DOCK10: variants seen among roughly 807,000 people sequenced by gnomAD.
DOCK10 encodes the protein dedicator of cytokinesis protein 10.
In DOCK10, 145 loss-of-function variants were observed where a neutral mutation model predicts 280.1. The ratio of observed to expected loss-of-function variants is 0.52; its 90% CI spans 0.45 to 0.59. The LOEUF (loss-of-function observed/expected upper bound fraction) is 0.59. Among genes scored for constraint, DOCK10 ranks in the 20% least tolerant of loss-of-function variants. The pLI, the probability that DOCK10 is intolerant of heterozygous loss-of-function variation, is 0.00. For missense variants in DOCK10, 2,368 were observed against 2,651.7 expected, an observed-to-expected ratio of 0.89 and a Z score of 2.35; for synonymous variants, 915 against 942.2, an observed-to-expected ratio of 0.97 and a Z score of 0.53.
At chr2:224,907,182 G>A (rs1003267499) in intron 3 of DOCK10, among the ~76,000 whole-genome samples, 5 of 152,164 alleles carry the variant, frequency 3.3e-5, no homozygotes, top group South Asian at 2.1e-4. Flanking sequence ...GGAATGAAGG[G>A]AGAAATTTAA....
intron 27 of DOCK10, among the ~76,000 whole-genome samples, chr2:224,824,848 C>T (rs1167310767): frequency 6.6e-6 from 1 of 152,034 alleles, no homozygotes; most frequent in Admixed American, 6.6e-5. Flanking sequence ...CTGTGTATTT[C>T]TAAATTGTGA....
intron 1 of DOCK10, among the ~76,000 whole-genome samples, chr2:225,029,120 C>T (rs754362184): frequency 1.3e-5 from 2 of 152,174 alleles, no homozygotes; most frequent in African/African-American, 2.4e-5. Context: ...TGACCCTGAC[C>T]ACATCCATTT....
At chr2:224,902,380 C>G (rs1162088141) in intron 3 of DOCK10, among the ~76,000 whole-genome samples, 1 of 152,126 alleles carries the variant, frequency 6.6e-6, no homozygotes. Flanking sequence ...CATTTTGGCC[C>G]TTAGTCACCA....
At chr2:225,030,524 T>A (rs111372575) in intron 1 of DOCK10, among the ~76,000 whole-genome samples, 397 of 152,292 alleles carry the variant, frequency 2.6e-3, no homozygotes, top group African/African-American at 9.0e-3. Context: ...GCTAACAGCA[T>A]CAGTGAGAAT....
intron 1 of DOCK10, among the ~76,000 whole-genome samples, chr2:225,025,230 G>T (rs1430091925): frequency 6.6e-6 from 1 of 152,176 alleles, no homozygotes; most frequent in Non-Finnish European, 1.5e-5. Context: ...AGTCCTGTAG[G>T]CAGGAGAAAG....
At position 224,804,012 on chromosome 2, in the gene DOCK10, G is replaced by A. The variant is rs1693200668; in HGVS notation, c.4268+100C>T. 4.8e-6 allele frequency: 3 copies of A among 623,084 alleles called. No individual in the cohort carries two copies. The South Asian group carries it at 6.1e-5, about 13-fold the overall frequency. The allele number at this position is 623,084 out of a possible 1,614,324, so 38.6% of individuals were successfully genotyped here. On this transcript the variant is annotated intron_variant, in intron 39 of 55. Transcript: ENST00000258390. ...TATAAATAGAAATATGTGTGTGTGT[G>A]TGTGTGTGTGTGTGTGTGTGTCTAC... is the stretch of plus-strand genomic sequence containing the variant.
chr2:224,923,873 C>T (rs1229299556), intron 2 of DOCK10, among the ~76,000 whole-genome samples: 1 of 152,232 alleles, frequency 6.6e-6, no homozygotes, highest in African/African-American at 2.4e-5. Flanking sequence ...CTCTGTAGCA[C>T]ACATGAAGTC....
rs567717975 is a variant in DOCK10 at position 225,016,795 on chromosome 2, C to T, written c.123+25457G>A. Among the ~76,000 whole-genome samples, 5 of 151,626 alleles carry T rather than the reference C, an allele frequency of 3.3e-5. No homozygotes were observed. The East Asian group carries it at 5.9e-4, about 18-fold the overall frequency. On this transcript the variant is annotated intron_variant, in intron 1 of 55. Transcript: ENST00000258390. ...TCGGCTCACTGCAACCTCCGCCTCC[C>T]GTGTTCAAGCGATTCTCTTGCCTTG...
intron 1 of DOCK10, among the ~76,000 whole-genome samples, chr2:225,009,926 A>C (rs999731322): frequency 2.0e-5 from 3 of 152,156 alleles, no homozygotes; most frequent in African/African-American, 7.2e-5. Flanking sequence ...TAAGAGTTGT[A>C]CTGGTTAACC....
intron 39 of DOCK10, among the ~76,000 whole-genome samples, chr2:224,802,282 T>C (rs1184100179): frequency 2.0e-5 from 3 of 152,262 alleles, no homozygotes; most frequent in South Asian, 2.1e-4. Flanking sequence ...TAACAGGTCA[T>C]TGAGTGAAAT....
At chr2:224,845,495 C>A in intron 20 of DOCK10, 24 bp downstream of exon 20, 1 of 1,601,686 alleles carries the variant, frequency 6.2e-7, no homozygotes, top group South Asian at 1.1e-5. Flanking sequence ...TGTGACTCTG[C>A]CTCAGATTTC....
intron 1 of DOCK10, among the ~76,000 whole-genome samples, chr2:224,932,415 TG>T (rs1702439709): frequency 6.6e-6 from 1 of 152,160 alleles, no homozygotes; most frequent in Non-Finnish European, 1.5e-5. Context: ...ATTATAGGGT[TG>T]ATGTGTTTGT....
intron 39 of DOCK10, 35 bp downstream of exon 39, chr2:224,804,077 A>C: frequency 1.5e-6 from 2 of 1,316,490 alleles, no homozygotes; most frequent in South Asian, 2.4e-5. Flanking sequence ...ACACAGCTAT[A>C]TATAATTTTA....
chr2:224,849,690 GGGACAAT>G, intron 18 of DOCK10, 91 bp from the exon 19 acceptor site: 1 of 839,230 alleles, frequency 1.2e-6, no homozygotes, highest in South Asian at 1.6e-5. Context: ...TACCAACCCT[GGGACAAT>G]GGCAAACTTT....
In DOCK10 at chr2:224,874,762, T is replaced by C. The variant is rs915968460; in HGVS notation, c.932-11A>G. The C allele has an allele frequency of 1.2e-6, 2 of 1,610,124 alleles. No homozygotes were observed. The highest frequency in any genetic ancestry group is 1.7e-6 in the Non-Finnish European group (2 of 1,176,590). On this transcript the variant is annotated splice_polypyrimidine_tract_variant and intron_variant, in intron 8 of 55. Transcript: ENST00000258390. ...AATTATCCAGCGAATCTTAAAAAGA[T>C]ATACCAAGTCAGGTTATTAAATATT...
At chr2:224,851,678 T>G (rs1696752763) in intron 18 of DOCK10, among the ~76,000 whole-genome samples, 1 of 152,106 alleles carries the variant, frequency 6.6e-6, no homozygotes, top group South Asian at 2.1e-4. Context: ...TTGCCGAAGC[T>G]GGTAAGATTG....
At chr2:225,010,352 A>G (rs1689398566) in intron 1 of DOCK10, 2 of 152,092 alleles carry the variant, frequency 1.3e-5, no homozygotes, top group Non-Finnish European at 1.5e-5. Context: ...CTGGATAGAG[A>G]GAAGTATGAA....
intron 41 of DOCK10, among the ~76,000 whole-genome samples, 194 bp downstream of exon 41, chr2:224,799,957 T>G (rs1400779812): frequency 1.3e-5 from 2 of 152,164 alleles, no homozygotes; most frequent in Non-Finnish European, 2.9e-5. Context: ...CGTGTACATA[T>G]CAAACAAACA....
chr2:224,969,290 C>T (rs1312099747), intron 1 of DOCK10, among the ~76,000 whole-genome samples: 11 of 152,202 alleles, frequency 7.2e-5, no homozygotes, highest in Admixed American at 6.5e-4. Context: ...CATCTAACGT[C>T]TTGGTGTTCT....
Sources: gnomAD v4.1 joint callset for allele counts (sites outside exome capture counted in the v4.1 genomes callset) on GRCh38, gnomAD v4.1.1 for gene constraint, MANE v1.5 for transcripts, NCBI Gene and HGNC (gene_info 2026-07-23, HGNC 2026-07-21) for gene names.